CLSTN2: variants seen among roughly 807,000 people sequenced by gnomAD.
CLSTN2 encodes the protein calsyntenin-2.
In CLSTN2, 48 loss-of-function variants were observed where a neutral mutation model predicts 101.2. That is an observed-to-expected ratio of 0.47 (90% CI 0.38 to 0.60). The LOEUF (loss-of-function observed/expected upper bound fraction) is 0.60, where lower values mean the gene tolerates loss of function less well. Ranked by LOEUF, CLSTN2 falls within the 20% of genes least tolerant of loss-of-function variation. The pLI is 0.00. For missense variants in CLSTN2, 1,160 were observed against 1,238.2 expected (o/e 0.94, Z 0.95); for synonymous variants, 481 against 463.6 (o/e 1.04, Z -0.48).
chr3:139,959,706 C>T (rs72979860), intron 1 of CLSTN2, among the ~76,000 whole-genome samples: 2,019 of 152,192 alleles, frequency 0.013, 25 homozygotes, highest in Middle Eastern at 0.044. Context: ...GGTTCTGTAG[C>T]GTTCTAAGCT....
chr3:140,212,766 T>C (rs2010873998), intron 2 of CLSTN2, among the ~76,000 whole-genome samples: 1 of 152,248 alleles, frequency 6.6e-6, no homozygotes, highest in East Asian at 1.9e-4. Flanking sequence ...TGCCACATAT[T>C]GTCGCTTATG....
At chr3:140,246,910 G>T (rs2086522980) in intron 2 of CLSTN2, among the ~76,000 whole-genome samples, 2 of 152,044 alleles carry the variant, frequency 1.3e-5, no homozygotes, top group Non-Finnish European at 2.9e-5. Context: ...CCGAATCCTA[G>T]GGTTATTAAA....
At chr3:140,499,672 A>T (rs140241799) in intron 8 of CLSTN2, among the ~76,000 whole-genome samples, 1 of 152,212 alleles carries the variant, frequency 6.6e-6, no homozygotes, top group East Asian at 1.9e-4. Context: ...CCCATCCTCA[A>T]ATACTTCTCA....
chr3:139,957,042 C>G (rs1268463406), intron 1 of CLSTN2, among the ~76,000 whole-genome samples: 1 of 152,184 alleles, frequency 6.6e-6, no homozygotes, highest in Non-Finnish European at 1.5e-5. Context: ...GATGCAGAAA[C>G]TAGCAAGCTG....
intron 2 of CLSTN2, among the ~76,000 whole-genome samples, chr3:140,200,916 A>G (rs2010710188): frequency 6.6e-6 from 1 of 152,020 alleles, no homozygotes; most frequent in Non-Finnish European, 1.5e-5. Context: ...AAGTTGACAC[A>G]TCACCAAAGG....
At chr3:140,514,866 T>C (rs551284006) in intron 8 of CLSTN2, among the ~76,000 whole-genome samples, 4 of 152,292 alleles carry the variant, frequency 2.6e-5, no homozygotes, top group African/African-American at 9.6e-5. Flanking sequence ...GTGGTTTAGA[T>C]ATTAGGGTGA....
chr3:140,474,441 G>A (rs1340805287), intron 8 of CLSTN2, among the ~76,000 whole-genome samples: 1 of 152,076 alleles, frequency 6.6e-6, no homozygotes, highest in Non-Finnish European at 1.5e-5. Context: ...GATCCCCATG[G>A]AGCAGATTTG....
At chr3:140,343,243 AC>A (rs1178026373) in intron 2 of CLSTN2, among the ~76,000 whole-genome samples, 1 of 151,882 alleles carries the variant, frequency 6.6e-6, no homozygotes, top group African/African-American at 2.4e-5. Flanking sequence ...AACGAAAACT[AC>A]CCCCTAGCTC....
intron 2 of CLSTN2, among the ~76,000 whole-genome samples, chr3:140,234,353 T>C (rs963584630): frequency 1.3e-5 from 2 of 152,108 alleles, no homozygotes; most frequent in Non-Finnish European, 2.9e-5. Flanking sequence ...GAGGGTAGGC[T>C]CTGGAATCCC....
chr3:140,403,031 C>T (rs4683833), intron 2 of CLSTN2, among the ~76,000 whole-genome samples: 70,740 of 151,998 alleles, frequency 0.47, 17,342 homozygotes, highest in South Asian at 0.65. Flanking sequence ...TAAACATGCA[C>T]TGATTGAGAA....
At chr3:140,271,724 G>C (rs2107890168) in intron 2 of CLSTN2, among the ~76,000 whole-genome samples, 1 of 152,284 alleles carries the variant, frequency 6.6e-6, no homozygotes, top group South Asian at 2.1e-4. Context: ...GAATTTTAGA[G>C]GGACAGAAAC....
chr3:140,211,093 T>C (rs1211118431), intron 2 of CLSTN2, among the ~76,000 whole-genome samples: 1 of 151,956 alleles, frequency 6.6e-6, no homozygotes, highest in African/African-American at 2.4e-5. Flanking sequence ...AGAGCCTAGC[T>C]CTTTGGAGGG....
chr3:140,041,459 A>T (rs1476124472), intron 1 of CLSTN2, among the ~76,000 whole-genome samples: 2 of 152,216 alleles, frequency 1.3e-5, no homozygotes, highest in Non-Finnish European at 2.9e-5. Flanking sequence ...CACTGAGGAC[A>T]GTCCCAGAGG....
chr3:140,083,630 G>T (rs983783980), intron 1 of CLSTN2, among the ~76,000 whole-genome samples: 14 of 152,218 alleles, frequency 9.2e-5, no homozygotes, highest in African/African-American at 3.4e-4. Flanking sequence ...TTACGTGTCT[G>T]CACATTCAGA....
At position 140,457,286 on chromosome 3, in the gene CLSTN2, G is replaced by A. The variant is rs974706432; in HGVS notation, c.974-2235G>A. 5.3e-5 allele frequency among the ~76,000 whole-genome samples: 8 copies of A among 152,328 alleles called. No individual in the cohort carries two copies. The East Asian group carries it at 5.8e-4, about 11-fold the overall frequency. ...GTGCTCAGCCTGCATCTCTCTGGCC[G>A]TCCCAGGTTTCAGGAACCGACATGC... On this transcript the variant is annotated intron_variant, in intron 6 of 16. Transcript: ENST00000458420.
intron 1 of CLSTN2, among the ~76,000 whole-genome samples, chr3:139,946,396 A>G (rs1027375067): frequency 4.6e-5 from 7 of 152,206 alleles, no homozygotes; most frequent in Non-Finnish European, 1.0e-4. Flanking sequence ...GGCATGTCCA[A>G]GTGGGTATGG....
chr3:140,520,570 CAT>C (rs1167878877), intron 8 of CLSTN2, among the ~76,000 whole-genome samples: 1 of 152,192 alleles, frequency 6.6e-6, no homozygotes, highest in Admixed American at 6.5e-5. Context: ...CCACCCTTGA[CAT>C]GTGGGGATTA....
At chr3:140,049,782 C>A (rs912282520) in intron 1 of CLSTN2, among the ~76,000 whole-genome samples, 9 of 152,240 alleles carry the variant, frequency 5.9e-5, no homozygotes, top group African/African-American at 2.2e-4. Flanking sequence ...CCAGTGACCC[C>A]TCAAAAGGTG....
intron 1 of CLSTN2, among the ~76,000 whole-genome samples, chr3:140,175,651 C>T (rs1470431921): frequency 6.6e-6 from 1 of 152,280 alleles, no homozygotes; most frequent in Admixed American, 6.5e-5. Context: ...GGTATCCAGA[C>T]ATACAAATAA....
Sources: allele counts gnomAD v4.1 joint callset (sites outside exome capture counted in the v4.1 genomes callset), GRCh38; gene constraint gnomAD v4.1.1; transcripts MANE v1.5; gene names NCBI Gene and HGNC (gene_info 2026-07-23, HGNC 2026-07-21).